GRAP2: variants seen among roughly 807,000 people sequenced by gnomAD.
GRAP2 encodes the protein GRB2-related adapter protein 2.
Under a neutral mutation model 43.5 loss-of-function variants are expected in GRAP2, and 31 were observed. The ratio of observed to expected loss-of-function variants is 0.71; its 90% confidence interval spans 0.54 to 0.96. The LOEUF (loss-of-function observed/expected upper bound fraction) is 0.96, where lower values mean the gene tolerates loss of function less well. GRAP2 is among the 40% of genes least tolerant of loss of function. GRAP2 has a pLI of 0.00. For synonymous variants in GRAP2, 156 were observed against 164.8 expected, an observed-to-expected ratio of 0.95 and a Z score of 0.41; for missense variants, 371 against 424.4, an observed-to-expected ratio of 0.87 and a Z score of 1.11.
intron 2 of GRAP2, chr22:39,947,643 G>A (rs1275811922): frequency 6.3e-6 from 1 of 158,980 alleles, no homozygotes; most frequent in Non-Finnish European, 1.4e-5. Flanking sequence ...CTGGAACTCA[G>A]GAGGAGAGGT....
intron 2 of GRAP2, among the ~76,000 whole-genome samples, chr22:39,951,490 A>G (rs1375453892): frequency 6.6e-6 from 1 of 152,064 alleles, no homozygotes; most frequent in Non-Finnish European, 1.5e-5. Flanking sequence ...AAAAGCTACA[A>G]TTTCATCCAA....
At chr22:39,896,450 G>A (rs186481852), upstream of GRAP2, among the ~76,000 whole-genome samples, 24 of 152,290 alleles carry the variant, frequency 1.6e-4, no homozygotes, top group East Asian at 3.7e-3. Flanking sequence ...AACATGATCC[G>A]AGGGGTCAGT....
chr22:39,964,142 T>C (rs2145673675), intron 4 of GRAP2: 1 of 481,272 alleles, frequency 2.1e-6, no homozygotes. Context: ...TATAAATGTA[T>C]GTCTGTTTGA....
intron 1 of GRAP2, 127 bp from the exon 2 acceptor site, chr22:39,946,966 T>C (rs982999381): frequency 7.4e-6 from 5 of 671,554 alleles, no homozygotes; most frequent in Non-Finnish European, 1.1e-5. Flanking sequence ...GCCTGAGCCT[T>C]GCTCTCCGGC....
chr22:39,895,515 T>C, the GRAP2 span, among the ~76,000 whole-genome samples: 1 of 152,172 alleles, frequency 6.6e-6, no homozygotes, highest in Admixed American at 6.5e-5. Flanking sequence ...ATTTTGACTT[T>C]ATAAAATAGT....
intron 1 of GRAP2, among the ~76,000 whole-genome samples, chr22:39,923,935 T>C (rs2066675534): frequency 6.6e-6 from 1 of 152,194 alleles, no homozygotes; most frequent in Admixed American, 6.5e-5. Context: ...ATTTTCCTTA[T>C]TGATTTAATG....
At chr22:39,930,964 G>A (rs764363854) in intron 1 of GRAP2, among the ~76,000 whole-genome samples, 5 of 152,214 alleles carry the variant, frequency 3.3e-5, no homozygotes, top group African/African-American at 4.8e-5. Context: ...TCCTAGGCTA[G>A]ATTAGGAGCC....
At chr22:39,905,652 G>C (rs753859788) in intron 1 of GRAP2, among the ~76,000 whole-genome samples, 3 of 152,100 alleles carry the variant, frequency 2.0e-5, no homozygotes, top group Non-Finnish European at 4.4e-5. Flanking sequence ...GTACTAACTC[G>C]TCTACTTCTT....
At position 39,969,486 on chromosome 22, in the gene GRAP2, C is replaced by G; in HGVS notation, c.766C>G (p.Leu256Val). The G allele has an allele frequency of 6.2e-7, 1 of 1,614,026 alleles. No individual in the cohort carries two copies. Among genetic ancestry groups the G allele is most frequent in the South Asian group, 1.1e-5 (1 of 91,084 alleles). Residue 256 changes from leucine to valine, a missense_variant, in exon 7 of 8, where the codon CTC becomes GTC. Coordinates refer to ENST00000344138, the MANE Select transcript of GRAP2 (RefSeq NM_004810.4). The stretch of plus-strand genomic sequence containing the variant: ...CTTGGGCAGTGAAATGAATGCGGCC[C>G]TCATGCATCGGAGACACACAGACCC... ...TGLGSEMNAA[L>V]MHRRHTDPVQ...
At chr22:39,940,392 T>G (rs2066855867) in intron 1 of GRAP2, among the ~76,000 whole-genome samples, 1 of 151,700 alleles carries the variant, frequency 6.6e-6, no homozygotes, top group Non-Finnish European at 1.5e-5. Context: ...TGTTTTTTTT[T>G]TTTTTTTCAC....
intron 1 of GRAP2, among the ~76,000 whole-genome samples, chr22:39,903,866 T>C (rs2066507635): frequency 6.6e-6 from 1 of 152,196 alleles, no homozygotes; most frequent in Non-Finnish European, 1.5e-5. Context: ...TCAATTACTA[T>C]ATGCCAGGCC....
upstream of GRAP2, among the ~76,000 whole-genome samples, chr22:39,898,316 C>A (rs1377367004): frequency 6.6e-6 from 1 of 152,152 alleles, no homozygotes; most frequent in Admixed American, 6.5e-5. Flanking sequence ...CTGTTTCTCC[C>A]TTTACCAGAA....
rs536211123 is a variant in GRAP2, at chr22:39,957,969, C to A, written c.170+2059C>A. Among the ~76,000 whole-genome samples, 29 of 152,060 alleles carry A rather than the reference C, an allele frequency of 1.9e-4. No homozygotes were observed. In the East Asian group the frequency reaches 2.7e-3, roughly 14 times the overall value. On this transcript the variant is annotated intron_variant, in intron 3 of 7. Coordinates refer to ENST00000344138, the MANE Select transcript of GRAP2 (RefSeq NM_004810.4). ...AAAAAATTTAAATAAATAAATAAAT[C>A]AAGAAAATTCTTAATCCCAAATCCC...
At chr22:39,896,449 C>T (rs958568897), upstream of GRAP2, among the ~76,000 whole-genome samples, 1 of 152,166 alleles carries the variant, frequency 6.6e-6, no homozygotes, top group South Asian at 2.1e-4. Flanking sequence ...GAACATGATC[C>T]GAGGGGTCAG....
At chr22:39,953,660 A>G (rs748797477) in intron 2 of GRAP2, among the ~76,000 whole-genome samples, 14 of 152,182 alleles carry the variant, frequency 9.2e-5, no homozygotes, top group African/African-American at 3.4e-4. Flanking sequence ...TCCAGGCTGT[A>G]GTACAGTGGT....
At chr22:39,897,145 A>G (rs974604131), upstream of GRAP2, among the ~76,000 whole-genome samples, 1 of 152,146 alleles carries the variant, frequency 6.6e-6, no homozygotes, top group Non-Finnish European at 1.5e-5. Flanking sequence ...CGTGTATCTA[A>G]CTACCTTGAC....
In GRAP2 at chr22:39,968,205, C is replaced by T; in HGVS notation, c.623C>T (p.Ala208Val). Reference protein sequence around the residue: ...HQHQPQPPQYAPAPQQLQQPP... With the variant: ...HQHQPQPPQYVPAPQQLQQPP... ...CACCAGCCACAGCCTCCGCAATATG[C>T]CCCAGCGCCCCAGCAGCTGCAGCAG... The change falls in exon 6 of 8, where the codon GCC (alanine) becomes GTC (valine). Residue 208 changes from alanine (A) to valine (V), a missense_variant. By Grantham distance (64) the Ala-to-Val change is moderately conservative. Coordinates refer to ENST00000344138, the MANE Select transcript of GRAP2 (RefSeq NM_004810.4). 6.2e-7 allele frequency: 1 copy of T among 1,604,278 alleles called. No individual in the cohort carries two copies. Among genetic ancestry groups the T allele is most frequent in the Non-Finnish European group, 8.5e-7 (1 of 1,171,622 alleles).
chr22:39,897,012 C>T (rs535615237), upstream of GRAP2, among the ~76,000 whole-genome samples: 1 of 152,208 alleles, frequency 6.6e-6, no homozygotes, highest in Admixed American at 6.5e-5. Context: ...CATTCTCTAA[C>T]CTCTTGTCTT....
At chr22:39,903,361 C>T (rs1216288772) in intron 1 of GRAP2, among the ~76,000 whole-genome samples, 1 of 152,068 alleles carries the variant, frequency 6.6e-6, no homozygotes, top group East Asian at 1.9e-4. Flanking sequence ...AGAAATAGCA[C>T]AGCCTTGGCT....
Sources: allele counts gnomAD v4.1 joint callset (sites outside exome capture counted in the v4.1 genomes callset), GRCh38; gene constraint gnomAD v4.1.1; transcripts MANE v1.5; gene names NCBI Gene and HGNC (gene_info 2026-07-23, HGNC 2026-07-21).